The following CPSF4L variants were observed in gnomAD, a reference collection of about 807,000 sequenced individuals.
CPSF4L encodes the protein putative cleavage and polyadenylation specificity factor subunit 4-like protein.
In CPSF4L, 18 loss-of-function variants were observed where a neutral mutation model predicts 24.0. The ratio of observed to expected loss-of-function variants is 0.75; its 90% CI spans 0.52 to 1.11. CPSF4L has a LOEUF of 1.11. Among genes scored for constraint, CPSF4L ranks in the 50% least tolerant of loss-of-function variants. The pLI is 0.00. For missense variants in CPSF4L, 211 were observed against 221.8 expected (o/e 0.95, Z 0.31); for synonymous variants, 72 against 77.2 (o/e 0.93, Z 0.35).
At chr17:73,252,202 A>C (rs2062008585) in intron 5 of CPSF4L, among the ~76,000 whole-genome samples, 2 of 152,190 alleles carry the variant, frequency 1.3e-5, no homozygotes, top group African/African-American at 2.4e-5. Context: ...GACTAAGGGA[A>C]GTGGAGAGAG....
At chr17:73,251,348 T>C (rs1599410853) in intron 5 of CPSF4L, among the ~76,000 whole-genome samples, 1 of 152,100 alleles carries the variant, frequency 6.6e-6, no homozygotes, top group Admixed American at 6.5e-5. Context: ...CAAAGCCTGC[T>C]CAGAACCAGC....
intron 1 of CPSF4L, 68 bp from the exon 2 acceptor site, chr17:73,261,051 C>T (rs1463851220): frequency 7.6e-6 from 10 of 1,311,362 alleles, no homozygotes; most frequent in African/African-American, 1.5e-5. Context: ...GAAGCCTCCA[C>T]CTCCATCGGC....
At chr17:73,244,848 G>GT, downstream of CPSF4L, 1 of 230,464 alleles carries the variant, frequency 4.3e-6, no homozygotes, top group South Asian at 8.1e-5. Context: ...GCCATCTCTT[G>GT]TATCAGACAC....
At chr17:73,247,349 G>T, downstream of CPSF4L, 5 of 1,614,074 alleles carry the variant, frequency 3.1e-6, no homozygotes, top group Non-Finnish European at 4.2e-6. Context: ...TAGGAAGCAC[G>T]TTTAAGTAGG....
At chr17:73,260,623 C>T (rs1333889264) in intron 2 of CPSF4L, among the ~76,000 whole-genome samples, 8 of 152,016 alleles carry the variant, frequency 5.3e-5, no homozygotes, top group Non-Finnish European at 1.0e-4. Context: ...AAAAATTAGC[C>T]GGGCTTGGTG....
At chr17:73,242,878 G>A in the CPSF4L span, 15 of 1,600,616 alleles carry the variant, frequency 9.4e-6, no homozygotes, top group South Asian at 2.3e-5. Flanking sequence ...ACAACAAGCC[G>A]TGTTTCCTTT....
chr17:73,248,699 C>T, intron 5 of CPSF4L, 163 bp from the exon 6 acceptor site: 2 of 732,790 alleles, frequency 2.7e-6, no homozygotes, highest in Non-Finnish European at 4.6e-6. Flanking sequence ...TATTCACGGA[C>T]ATGCCTGAAT....
chr17:73,243,161 TTTA>T, the CPSF4L span: 2 of 702,196 alleles, frequency 2.8e-6, no homozygotes, highest in Admixed American at 4.2e-5. Context: ...GTTTCTGGGT[TTTA>T]TTTTTTTGAG....
chr17:73,253,324 C>T (rs1486537352), intron 4 of CPSF4L, among the ~76,000 whole-genome samples: 1 of 152,218 alleles, frequency 6.6e-6, no homozygotes, highest in East Asian at 1.9e-4. Context: ...CGCACCACTG[C>T]ACTCCAACCT....
intron 5 of CPSF4L, chr17:73,250,360 G>A (rs1029199798): frequency 1.3e-6 from 2 of 1,547,096 alleles, no homozygotes; most frequent in East Asian, 2.4e-5. Flanking sequence ...TTCTAAAGAT[G>A]TCTAGGGAAC....
intron 1 of CPSF4L, 131 bp downstream of exon 1, chr17:73,261,585 C>T (rs1479482308): frequency 3.0e-6 from 2 of 673,174 alleles, no homozygotes; most frequent in East Asian, 2.8e-5. Flanking sequence ...GGCGTGAACC[C>T]AGGAGGCAGA....
intron 4 of CPSF4L, 142 bp from the exon 5 acceptor site, chr17:73,252,865 T>C (rs1037605026): frequency 4.0e-5 from 24 of 600,990 alleles, no homozygotes; most frequent in Middle Eastern, 3.7e-4. Flanking sequence ...ATCCTTTCTG[T>C]ACCACCCTAA....
At chr17:73,262,389 T>C (rs1401309773), upstream of CPSF4L, 4 of 152,442 alleles carry the variant, frequency 2.6e-5, no homozygotes, top group African/African-American at 9.6e-5. Flanking sequence ...GAGTGAGCTC[T>C]TCGTGGGAGA....
the CPSF4L span, chr17:73,243,095 T>TTTTTTGTTTTTTTTTTG: frequency 1.1e-6 from 1 of 936,778 alleles, no homozygotes. Flanking sequence ...TTTTTTTTTT[T>TTTTTTGTTTTTTTTTTG]TTTTTTACAG....
At chr17:73,245,212 A>T (rs200860806), downstream of CPSF4L, 1 of 1,613,472 alleles carries the variant, frequency 6.2e-7, no homozygotes, top group South Asian at 1.1e-5. Flanking sequence ...ACATCACTTA[A>T]AGCTCTGGAA....
chr17:73,257,923 T>G, intron 2 of CPSF4L, 90 bp from the exon 3 acceptor site: 1 of 1,376,088 alleles, frequency 7.3e-7, no homozygotes, highest in South Asian at 1.4e-5. Context: ...GGAGGGTACC[T>G]GACTCAGTCC....
intron 4 of CPSF4L, 35 bp from the exon 5 acceptor site, chr17:73,252,758 G>C (rs371092902): frequency 7.0e-7 from 1 of 1,438,616 alleles, no homozygotes; most frequent in South Asian, 1.3e-5. Flanking sequence ...AGAAGGATCC[G>C]CTTCAGCAAG....
intron 2 of CPSF4L, among the ~76,000 whole-genome samples, chr17:73,260,172 C>A (rs2062039841): frequency 6.6e-6 from 1 of 152,042 alleles, no homozygotes; most frequent in African/African-American, 2.4e-5. Context: ...AGACAATTGA[C>A]CAGTTTACAA....
At chr17:73,261,674 C>G in intron 1 of CPSF4L, 42 bp downstream of exon 1, 11 of 1,325,808 alleles carry the variant, frequency 8.3e-6, no homozygotes, top group Non-Finnish European at 1.2e-5. Context: ...GAAAAAAAAA[C>G]AGAGAAGGTA....
Sources: gnomAD v4.1 joint callset for allele counts (sites outside exome capture counted in the v4.1 genomes callset) on GRCh38, gnomAD v4.1.1 for gene constraint, MANE v1.5 for transcripts, NCBI Gene and HGNC (gene_info 2026-07-23, HGNC 2026-07-21) for gene names.